Variants in TBC1D22A observed in about 807,000 individuals in gnomAD.
TBC1D22A encodes putative GTPase activator.
In TBC1D22A, 38 loss-of-function variants were observed where a neutral mutation model predicts 60.2. That is an observed-to-expected ratio of 0.63 (90% CI 0.49 to 0.83). The LOEUF is 0.83. Among genes scored for constraint, TBC1D22A ranks in the 40% least tolerant of loss-of-function variants. The pLI is 0.00. For missense variants in TBC1D22A, 628 were observed against 701.0 expected, an observed-to-expected ratio of 0.90 and a Z score of 1.18; for synonymous variants, 302 against 281.7, an observed-to-expected ratio of 1.07 and a Z score of -0.72.
chr22:47,088,823 C>T (rs1453977998), intron 11 of TBC1D22A, among the ~76,000 whole-genome samples: 1 of 152,200 alleles, frequency 6.6e-6, no homozygotes, highest in Non-Finnish European at 1.5e-5. Context: ...AAGGAGACCC[C>T]AGACATTTCA....
chr22:46,928,826 G>C (rs992101189), intron 8 of TBC1D22A, among the ~76,000 whole-genome samples: 6 of 152,172 alleles, frequency 3.9e-5, no homozygotes, highest in African/African-American at 1.4e-4. Flanking sequence ...TTAATCATTA[G>C]GGAATACAAA....
intron 8 of TBC1D22A, among the ~76,000 whole-genome samples, chr22:46,962,022 C>T (rs7292676): frequency 0.047 from 7,205 of 152,268 alleles, 519 homozygotes; most frequent in African/African-American, 0.16. Context: ...GGTGGTTGAA[C>T]GTACACTTCA....
intron 8 of TBC1D22A, among the ~76,000 whole-genome samples, chr22:46,964,866 G>A (rs574361887): frequency 1.3e-5 from 2 of 152,330 alleles, no homozygotes; most frequent in African/African-American, 4.8e-5. Context: ...AGCCTTTCAC[G>A]TGGGCTCGTT....
intron 10 of TBC1D22A, among the ~76,000 whole-genome samples, chr22:47,000,258 G>A (rs1185699462): frequency 2.0e-5 from 3 of 152,142 alleles, no homozygotes; most frequent in African/African-American, 7.2e-5. Context: ...GGGCTCATCA[G>A]GAGCGAGCAG....
At chr22:47,132,115 A>G (rs2066699033) in intron 12 of TBC1D22A, among the ~76,000 whole-genome samples, 1 of 152,138 alleles carries the variant, frequency 6.6e-6, no homozygotes, top group Admixed American at 6.5e-5. Flanking sequence ...ACAAGCTGTG[A>G]GACGCCAGAG....
chr22:47,039,805 T>A (rs2062778176), intron 11 of TBC1D22A, among the ~76,000 whole-genome samples: 1 of 149,402 alleles, frequency 6.7e-6, no homozygotes, highest in African/African-American at 2.5e-5. Context: ...GTACGGAAGG[T>A]ATAGTGCTGG....
intron 12 of TBC1D22A, among the ~76,000 whole-genome samples, chr22:47,143,560 C>T (rs1438959453): frequency 6.6e-6 from 1 of 152,250 alleles, no homozygotes; most frequent in East Asian, 1.9e-4. Flanking sequence ...TACTTAGGCA[C>T]TGCCTCACGT....
intron 7 of TBC1D22A, among the ~76,000 whole-genome samples, chr22:46,911,679 A>G (rs979072514): frequency 6.6e-6 from 1 of 152,106 alleles, no homozygotes; most frequent in African/African-American, 2.4e-5. Flanking sequence ...GCACTTTGGG[A>G]GGCTGAGGTG....
At position 47,111,441 on chromosome 22, in the gene TBC1D22A, T is replaced by C. The variant is rs897787788; in HGVS notation, c.1330-67T>C. 18 of 1,435,766 alleles carry C rather than the reference T, an allele frequency of 1.3e-5. No individual in the cohort carries two copies. In the African/African-American group the frequency reaches 2.6e-4, roughly 20 times the overall value. 88.9% of individuals were successfully genotyped at this position (1,435,766 alleles called of 1,614,324 possible). The stretch of plus-strand genomic sequence containing the variant: ...CTAGATAAACCCTGACTGTCGCAGA[T>C]AACCTCGCAGTGATGTTAATGGGTC... On this transcript the variant is annotated intron_variant, in intron 11 of 12. Coordinates refer to ENST00000337137, the MANE Select transcript of TBC1D22A (RefSeq NM_014346.5).
At chr22:47,103,529 T>C (rs2065501877) in intron 11 of TBC1D22A, among the ~76,000 whole-genome samples, 1 of 152,166 alleles carries the variant, frequency 6.6e-6, no homozygotes, top group Non-Finnish European at 1.5e-5. Context: ...TCATTTCTAC[T>C]TGATCCTGAA....
intron 12 of TBC1D22A, among the ~76,000 whole-genome samples, chr22:47,157,806 A>T (rs2067786248): frequency 6.6e-6 from 1 of 152,126 alleles, no homozygotes; most frequent in African/African-American, 2.4e-5. Flanking sequence ...ATCTGTCTGG[A>T]GGCCCAGCTG....
intron 12 of TBC1D22A, among the ~76,000 whole-genome samples, chr22:47,115,640 G>A (rs1026714750): frequency 6.6e-6 from 1 of 152,192 alleles, no homozygotes; most frequent in Non-Finnish European, 1.5e-5. Flanking sequence ...GGTGAGGCGA[G>A]CAGGGACCCT....
At chr22:46,941,469 C>G (rs888367375) in intron 8 of TBC1D22A, among the ~76,000 whole-genome samples, 3 of 126,918 alleles carry the variant, frequency 2.4e-5, no homozygotes, top group African/African-American at 8.5e-5. Flanking sequence ...TATATATACA[C>G]GGAATATATA....
At chr22:46,860,527 C>T (rs865804805) in intron 4 of TBC1D22A, among the ~76,000 whole-genome samples, 1,621 of 106,334 alleles carry the variant, frequency 0.015, 40 homozygotes, top group African/African-American at 0.065. Context: ...CGCGCAGTGC[C>T]GTGCCCCTTC....
chr22:47,069,824 G>A (rs1029980910), intron 11 of TBC1D22A, among the ~76,000 whole-genome samples: 2 of 142,382 alleles, frequency 1.4e-5, no homozygotes, highest in South Asian at 4.7e-4. Context: ...GCTGTTCCCT[G>A]TTGTTTGGTT....
intron 4 of TBC1D22A, among the ~76,000 whole-genome samples, chr22:46,803,786 G>A (rs760951072): frequency 3.9e-5 from 6 of 152,208 alleles, no homozygotes; most frequent in Non-Finnish European, 8.8e-5. Context: ...ACCTAGAACT[G>A]CTGAATGCAG....
intron 8 of TBC1D22A, among the ~76,000 whole-genome samples, chr22:46,961,119 G>T (rs1415470896): frequency 1.3e-5 from 2 of 151,362 alleles, no homozygotes; most frequent in South Asian, 4.2e-4. Flanking sequence ...TCATTTTCTT[G>T]GTAATTAGTG....
At chr22:46,774,088 A>G in intron 1 of TBC1D22A, 1 of 985,558 alleles carries the variant, frequency 1.0e-6, no homozygotes, top group Non-Finnish European at 1.2e-6. Flanking sequence ...CCGCCCCCGC[A>G]CCCATCCTCC....
At chr22:46,938,444 G>A (rs1199558232) in intron 8 of TBC1D22A, among the ~76,000 whole-genome samples, 1 of 152,158 alleles carries the variant, frequency 6.6e-6, no homozygotes, top group Non-Finnish European at 1.5e-5. Context: ...GACGAGTGAT[G>A]CATTTCTCAG....
Sources: allele counts gnomAD v4.1 joint callset (sites outside exome capture counted in the v4.1 genomes callset), GRCh38; gene constraint gnomAD v4.1.1; transcripts MANE v1.5; gene names NCBI Gene and HGNC (gene_info 2026-07-23, HGNC 2026-07-21).